NREP: variants seen among roughly 807,000 people sequenced by gnomAD.
NREP encodes neuronal regeneration related protein, also known as neuronal regeneration-related protein.
A neutral mutation model predicts 8.6 loss-of-function variants in NREP; 5 were observed. The observed-to-expected ratio is 0.58, with a 90% CI of 0.30 to 1.22. The LOEUF (loss-of-function observed/expected upper bound fraction) is 1.22. Ranked by LOEUF, NREP falls within the 50% of genes most tolerant of loss-of-function variation. The probability of loss-of-function intolerance (pLI) is 0.07; values close to 1 mark genes in which losing one functional copy is unlikely to be tolerated. For missense variants in NREP, 86 were observed against 82.5 expected, an observed-to-expected ratio of 1.04 and a Z score of -0.17; for synonymous variants, 27 against 28.0, an observed-to-expected ratio of 0.96 and a Z score of 0.11.
At chr5:111,963,922 A>T (rs559379237) in intron 2 of NREP, among the ~76,000 whole-genome samples, 12 of 152,330 alleles carry the variant, frequency 7.9e-5, no homozygotes, top group African/African-American at 2.9e-4. Flanking sequence ...AAAAAATTCT[A>T]TTGAAGTAAT....
At chr5:111,858,555 C>T (rs1753475585) in intron 2 of NREP, among the ~76,000 whole-genome samples, 1 of 152,084 alleles carries the variant, frequency 6.6e-6, no homozygotes, top group African/African-American at 2.4e-5. Context: ...GGAGTCTGAA[C>T]AGGAGCATCG....
At chr5:111,966,933 T>C (rs1037773720) in intron 2 of NREP, among the ~76,000 whole-genome samples, 1 of 152,192 alleles carries the variant, frequency 6.6e-6, no homozygotes, top group Non-Finnish European at 1.5e-5. Flanking sequence ...CATGGAAGAA[T>C]GGCTGTGCCC....
intron 2 of NREP, among the ~76,000 whole-genome samples, chr5:111,909,022 C>T (rs1444752153): frequency 6.6e-6 from 1 of 152,024 alleles, no homozygotes; most frequent in Non-Finnish European, 1.5e-5. Flanking sequence ...ACTTGCAGGT[C>T]TTCTTTTGAG....
At chr5:111,751,187 C>G (rs1750339175) in intron 2 of NREP, among the ~76,000 whole-genome samples, 1 of 152,178 alleles carries the variant, frequency 6.6e-6, no homozygotes, top group Admixed American at 6.5e-5. Context: ...ATAAAACCTT[C>G]TGGGGCCTAT....
intron 2 of NREP, among the ~76,000 whole-genome samples, chr5:111,897,353 G>A (rs945466304): frequency 6.6e-6 from 1 of 152,196 alleles, no homozygotes; most frequent in African/African-American, 2.4e-5. Flanking sequence ...CACTGTGCCA[G>A]TGCATTCTAC....
At chr5:111,890,829 G>T (rs1199637553) in intron 2 of NREP, among the ~76,000 whole-genome samples, 2 of 152,226 alleles carry the variant, frequency 1.3e-5, no homozygotes, top group Non-Finnish European at 2.9e-5. Flanking sequence ...ATTCTTCCCT[G>T]CTAGGCCTCC....
chr5:111,746,345 A>C (rs1252916880), intron 2 of NREP, among the ~76,000 whole-genome samples: 1 of 152,106 alleles, frequency 6.6e-6, no homozygotes, highest in African/African-American at 2.4e-5. Flanking sequence ...TTAAGATTCT[A>C]TTATCAAGAA....
At chr5:111,934,435 G>A (rs1254039560) in intron 2 of NREP, among the ~76,000 whole-genome samples, 1 of 151,946 alleles carries the variant, frequency 6.6e-6, no homozygotes, top group Non-Finnish European at 1.5e-5. Flanking sequence ...AGGGGAAGAG[G>A]AGGAAAGAGA....
At position 111,817,354 on chromosome 5, in the gene NREP, C is replaced by T. The variant is rs929558637; in HGVS notation, c.136-81847G>A. 2.6e-5 allele frequency among the ~76,000 whole-genome samples: 4 copies of T among 152,180 alleles called. No homozygotes were observed. In the East Asian group the frequency reaches 7.7e-4, roughly 29 times the overall value. On this transcript the variant is annotated intron_variant, in intron 2 of 3. Transcript: ENST00000395634. ...AGACTTCCTTTTCTCATTCTCAATA[C>T]CAGTGGGAAAGCTTAAATTTTTACC... is the stretch of plus-strand genomic sequence containing the variant.
chr5:111,779,185 T>C (rs1306622478), intron 2 of NREP, among the ~76,000 whole-genome samples: 2 of 152,194 alleles, frequency 1.3e-5, no homozygotes, highest in African/African-American at 4.8e-5. Context: ...AACTAGCTGA[T>C]GCATTAAGAT....
chr5:111,865,901 T>C (rs1403758292), intron 2 of NREP, among the ~76,000 whole-genome samples: 2 of 152,150 alleles, frequency 1.3e-5, no homozygotes, highest in African/African-American at 4.8e-5. Flanking sequence ...AGACTATAAA[T>C]ATATGTGACA....
chr5:111,895,652 TTATTGA>T (rs947123587), intron 2 of NREP, among the ~76,000 whole-genome samples: 21 of 152,140 alleles, frequency 1.4e-4, no homozygotes, highest in African/African-American at 5.1e-4. Flanking sequence ...AACTTGGATA[TTATTGA>T]TATTGAGACC....
rs558744773 is a variant in NREP at position 111,963,823 on chromosome 5, A to C, written c.135+11451T>G. The stretch of plus-strand genomic sequence containing the variant: ...CCATGGTCAAAACAAGAAAAATGTG[A>C]GTGGTGATCTTGATTTTAATTTTTT... On this transcript the variant is annotated intron_variant, in intron 2 of 3. Coordinates refer to the NREP transcript ENST00000395634. Among the ~76,000 whole-genome samples the C allele has an allele frequency of 2.3e-4, 35 of 152,342 alleles. No individual in the cohort carries two copies. The South Asian group carries it at 7.0e-3, about 31-fold the overall frequency.
intron 2 of NREP, among the ~76,000 whole-genome samples, chr5:111,874,345 T>C (rs1753856782): frequency 6.6e-6 from 1 of 152,172 alleles, no homozygotes; most frequent in Non-Finnish European, 1.5e-5. Flanking sequence ...GAGTTCAAGA[T>C]GGAAAAGTAT....
intron 2 of NREP, among the ~76,000 whole-genome samples, chr5:111,881,977 A>G (rs1287632235): frequency 1.3e-5 from 2 of 152,246 alleles, no homozygotes; most frequent in Non-Finnish European, 2.9e-5. Flanking sequence ...AAAGCTGGAC[A>G]GAGAATGACT....
intron 2 of NREP, among the ~76,000 whole-genome samples, chr5:111,863,528 G>C (rs1753598440): frequency 6.6e-6 from 1 of 151,992 alleles, no homozygotes; most frequent in African/African-American, 2.4e-5. Context: ...ATAAATAAGA[G>C]AAAAGCAGGT....
chr5:111,949,265 G>A (rs143724309), intron 2 of NREP, among the ~76,000 whole-genome samples: 10 of 152,128 alleles, frequency 6.6e-5, no homozygotes, highest in African/African-American at 2.2e-4. Context: ...CATTGAATGA[G>A]ACAAAGAGTT....
chr5:111,873,479 T>A (rs1448565278), intron 2 of NREP, among the ~76,000 whole-genome samples: 2 of 152,168 alleles, frequency 1.3e-5, no homozygotes, highest in Non-Finnish European at 2.9e-5. Flanking sequence ...TCATTTCATT[T>A]GTAGGGGACA....
chr5:111,773,405 A>G (rs1751282870), intron 2 of NREP, among the ~76,000 whole-genome samples: 1 of 152,234 alleles, frequency 6.6e-6, no homozygotes, highest in South Asian at 2.1e-4. Context: ...TAGTGGTCAC[A>G]CAGTGCTTTT....
Sources: allele counts gnomAD v4.1 joint callset (sites outside exome capture counted in the v4.1 genomes callset), GRCh38; gene constraint gnomAD v4.1.1; transcripts MANE v1.5; gene names NCBI Gene and HGNC (gene_info 2026-07-23, HGNC 2026-07-21).